WWOX: variants seen among roughly 807,000 people sequenced by gnomAD.
WWOX encodes the protein WW domain-containing oxidoreductase.
A neutral mutation model predicts 46.2 loss-of-function variants in WWOX; 69 were observed. The ratio of observed to expected loss-of-function variants is 1.49; its 90% CI spans 1.23 to 1.82. The LOEUF is 1.82. Among genes scored for constraint, WWOX ranks in the 40% most tolerant of loss-of-function variants. The pLI, the probability that WWOX is intolerant of heterozygous loss-of-function variation, is 0.00. For missense variants in WWOX, 919 were observed against 542.6 expected (o/e 1.69, Z -6.89); for synonymous variants, 359 against 202.6 (o/e 1.77, Z -6.56).
At chr16:79,099,798 A>G (rs2049154782) in intron 8 of WWOX, among the ~76,000 whole-genome samples, 1 of 152,214 alleles carries the variant, frequency 6.6e-6, no homozygotes, top group African/African-American at 2.4e-5. Flanking sequence ...AAGGGACTAA[A>G]ATAAGGTTGT....
chr16:78,414,721 C>T (rs951116818), intron 6 of WWOX, among the ~76,000 whole-genome samples: 5 of 152,176 alleles, frequency 3.3e-5, no homozygotes. Context: ...AAACTCAAGC[C>T]CCTCTCATCC....
intron 8 of WWOX, among the ~76,000 whole-genome samples, chr16:78,864,494 C>G (rs181619160): frequency 7.7e-4 from 117 of 152,190 alleles, no homozygotes; most frequent in African/African-American, 2.7e-3. Flanking sequence ...ATCTTACACT[C>G]CTGGGATCAG....
chr16:78,401,282 G>A (rs1013884549), intron 6 of WWOX, among the ~76,000 whole-genome samples: 2 of 148,476 alleles, frequency 1.3e-5, no homozygotes, highest in African/African-American at 2.6e-5. Flanking sequence ...TAACAAAGTG[G>A]AAAAGACTGA....
chr16:78,588,943 T>G (rs1411992243), intron 8 of WWOX, among the ~76,000 whole-genome samples: 2 of 152,306 alleles, frequency 1.3e-5, no homozygotes, highest in East Asian at 1.9e-4. Flanking sequence ...CCTTTGTTTC[T>G]TATCTCTACT....
At chr16:78,775,392 A>T (rs2050163897) in intron 8 of WWOX, among the ~76,000 whole-genome samples, 1 of 152,184 alleles carries the variant, frequency 6.6e-6, no homozygotes, top group Non-Finnish European at 1.5e-5. Flanking sequence ...TGAGTAAAAC[A>T]GGGCCTGACT....
chr16:78,941,773 G>C (rs1038944363), intron 8 of WWOX, among the ~76,000 whole-genome samples: 1 of 152,014 alleles, frequency 6.6e-6, no homozygotes, highest in Non-Finnish European at 1.5e-5. Flanking sequence ...TTTTAAAAAA[G>C]GTATCATAAT....
chr16:78,981,469 G>A (rs1018898795), intron 8 of WWOX, among the ~76,000 whole-genome samples: 1 of 150,008 alleles, frequency 6.7e-6, no homozygotes, highest in Non-Finnish European at 1.5e-5. Flanking sequence ...GTGGAGTCTT[G>A]CTCTGTCATC....
rs956867902 is a variant in WWOX at position 78,736,467 on chromosome 16, C to A, written c.1056+303715C>A. Reference sequence around the variant, plus strand: ...CTTCCCAAAGTCACCTTTGCTCTCTCCTGACCACCGTTGGTGTCTCAAAGT... The same window carrying A: ...CTTCCCAAAGTCACCTTTGCTCTCTACTGACCACCGTTGGTGTCTCAAAGT... On this transcript the variant is annotated intron_variant, in intron 8 of 8. Coordinates refer to ENST00000566780, the MANE Select transcript of WWOX (RefSeq NM_016373.4). Among the ~76,000 whole-genome samples, 3 of 152,308 alleles carry A rather than the reference C, an allele frequency of 2.0e-5. No homozygotes were observed. In the South Asian group the frequency reaches 6.2e-4, roughly 32 times the overall value.
At chr16:78,748,710 G>T (rs1449612087) in intron 8 of WWOX, among the ~76,000 whole-genome samples, 1 of 152,210 alleles carries the variant, frequency 6.6e-6, no homozygotes, top group Non-Finnish European at 1.5e-5. Flanking sequence ...CGTGGCAAAG[G>T]GTTCCCTCAT....
chr16:79,154,473 A>T (rs999590968), intron 8 of WWOX, among the ~76,000 whole-genome samples: 4 of 151,386 alleles, frequency 2.6e-5, no homozygotes, highest in African/African-American at 7.3e-5. Context: ...AGACATGGAC[A>T]TATAAATAAT....
At chr16:78,512,041 A>T (rs546102663) in intron 8 of WWOX, among the ~76,000 whole-genome samples, 1 of 152,334 alleles carries the variant, frequency 6.6e-6, no homozygotes, top group Admixed American at 6.5e-5. Flanking sequence ...GGTTTTAGAG[A>T]CACTGGCTTC....
At chr16:78,887,464 A>T (rs941991276) in intron 8 of WWOX, among the ~76,000 whole-genome samples, 1 of 118,416 alleles carries the variant, frequency 8.4e-6, no homozygotes, top group African/African-American at 3.2e-5. Flanking sequence ...AACAAAGTAT[A>T]TAAAACACAC....
At chr16:78,372,723 T>C (rs1192445128) in intron 5 of WWOX, among the ~76,000 whole-genome samples, 1 of 152,238 alleles carries the variant, frequency 6.6e-6, no homozygotes, top group East Asian at 1.9e-4. Flanking sequence ...GATTAATCTT[T>C]ATTTAATTTC....
intron 8 of WWOX, chr16:78,825,857 G>C: frequency 1.6e-6 from 1 of 641,906 alleles, no homozygotes; most frequent in Non-Finnish European, 2.8e-6. Context: ...CTGGGACCCC[G>C]CTGGTAAGAC....
intron 5 of WWOX, among the ~76,000 whole-genome samples, chr16:78,383,073 G>A (rs778316026): frequency 1.3e-5 from 2 of 150,436 alleles, no homozygotes; most frequent in Non-Finnish European, 3.0e-5. Context: ...ACTGGATCAC[G>A]AGACAGCACT....
At chr16:78,394,758 A>G (rs567623382) in intron 6 of WWOX, among the ~76,000 whole-genome samples, 1 of 152,330 alleles carries the variant, frequency 6.6e-6, no homozygotes, top group South Asian at 2.1e-4. Context: ...GCAGTGTTGC[A>G]ATAAAACTTT....
intron 8 of WWOX, among the ~76,000 whole-genome samples, chr16:78,945,432 T>C (rs1417256668): frequency 6.6e-6 from 1 of 152,200 alleles, no homozygotes; most frequent in African/African-American, 2.4e-5. Context: ...ATCAAAAAGA[T>C]CAAAATCAGG....
At chr16:78,529,468 C>T (rs1054934796) in intron 8 of WWOX, among the ~76,000 whole-genome samples, 10 of 150,806 alleles carry the variant, frequency 6.6e-5, no homozygotes, top group African/African-American at 2.0e-4. Flanking sequence ...GAATGTTTTT[C>T]GTTTTTTTTA....
At chr16:78,614,316 A>T (rs1358333899) in intron 8 of WWOX, among the ~76,000 whole-genome samples, 2 of 152,242 alleles carry the variant, frequency 1.3e-5, no homozygotes, top group African/African-American at 4.8e-5. Context: ...CAAGTAGAAT[A>T]ACATGGTTTA....
Sources: allele counts gnomAD v4.1 joint callset (sites outside exome capture counted in the v4.1 genomes callset), GRCh38; gene constraint gnomAD v4.1.1; transcripts MANE v1.5; gene names NCBI Gene and HGNC (gene_info 2026-07-23, HGNC 2026-07-21).